The following CNTN3 variants were observed in gnomAD, a reference collection of about 807,000 sequenced individuals.
CNTN3 encodes contactin-3.
In CNTN3, 60 loss-of-function variants were observed where a neutral mutation model predicts 119.1. That is an observed-to-expected ratio of 0.50 (90% CI 0.41 to 0.62). The LOEUF (loss-of-function observed/expected upper bound fraction) is 0.62, where lower values mean the gene tolerates loss of function less well. CNTN3 is among the 20% of genes least tolerant of loss of function. CNTN3 has a pLI of 0.00. For missense variants in CNTN3, 1,101 were observed against 1,242.4 expected, an observed-to-expected ratio of 0.89 and a Z score of 1.71; for synonymous variants, 450 against 438.7, an observed-to-expected ratio of 1.03 and a Z score of -0.32.
At chr3:74,400,796 T>A (rs1488031131) in intron 5 of CNTN3, among the ~76,000 whole-genome samples, 2 of 152,166 alleles carry the variant, frequency 1.3e-5, no homozygotes, top group African/African-American at 4.8e-5. Flanking sequence ...TACAAAGGTA[T>A]TTATATAAAC....
At chr3:74,579,572 G>C (rs1314931983) in intron 1 of CNTN3, among the ~76,000 whole-genome samples, 2 of 152,066 alleles carry the variant, frequency 1.3e-5, no homozygotes, top group African/African-American at 4.8e-5. Flanking sequence ...TAAATAGTAT[G>C]TTATGTGACA....
At chr3:74,298,228 T>A (rs139165901) in intron 17 of CNTN3, 37 bp from the exon 18 acceptor site, 2 of 1,381,798 alleles carry the variant, frequency 1.4e-6, no homozygotes, top group South Asian at 1.5e-5. Context: ...CCCTTACACA[T>A]AAGGGCAAGG....
chr3:74,304,667 T>C (rs1422693756), intron 13 of CNTN3, among the ~76,000 whole-genome samples: 1 of 152,176 alleles, frequency 6.6e-6, no homozygotes, highest in Non-Finnish European at 1.5e-5. Context: ...TTGACTTCTG[T>C]TCACTCTTGG....
chr3:74,418,449 C>T (rs1159806333), intron 5 of CNTN3, among the ~76,000 whole-genome samples: 1 of 144,094 alleles, frequency 6.9e-6, no homozygotes, highest in Non-Finnish European at 1.5e-5. Context: ...TCAAGCAATT[C>T]TCCTGCCTCA....
intron 1 of CNTN3, among the ~76,000 whole-genome samples, chr3:74,526,792 A>G (rs1379602603): frequency 6.6e-6 from 1 of 151,892 alleles, no homozygotes; most frequent in Non-Finnish European, 1.5e-5. Context: ...GAACACCTAC[A>G]GCACTTTATA....
intron 11 of CNTN3, among the ~76,000 whole-genome samples, chr3:74,340,968 C>T (rs1200485368): frequency 1.3e-5 from 2 of 152,090 alleles, no homozygotes; most frequent in East Asian, 3.9e-4. Context: ...ACTACAAATC[C>T]TTTGGTGTAT....
rs1055908134 is a variant in CNTN3 at position 74,264,368 on chromosome 3, A to G, written c.*33T>C. 3 of 1,266,800 alleles carry G rather than the reference A, an allele frequency of 2.4e-6. No individual in the cohort carries two copies. Among genetic ancestry groups the G allele is most frequent in the Admixed American group, 5.1e-5 (2 of 39,506 alleles). 78.5% of individuals were successfully genotyped at this position (1,266,800 alleles called of 1,614,324 possible). A position where few individuals can be genotyped will look rare whatever the true frequency, so the allele number is the denominator to read the frequency against. On this transcript the variant is annotated 3_prime_UTR_variant, in exon 23 of 23. Coordinates refer to ENST00000263665, the MANE Select transcript of CNTN3 (RefSeq NM_020872.3). ...AAAGCACTTTTTTTGGTAACCAAAT[A>G]ACTTTCCAATAAATAATAAAAAGGA...
intron 20 of CNTN3, among the ~76,000 whole-genome samples, chr3:74,284,407 G>A (rs1036427620): frequency 3.3e-5 from 5 of 152,216 alleles, no homozygotes; most frequent in East Asian, 3.9e-4. Flanking sequence ...ATCACTGCGC[G>A]TAAGTTACCT....
chr3:74,295,106 C>T lies in CNTN3; in HGVS notation c.2517+15G>A, dbSNP rs202118908. The T allele has an allele frequency of 1.1e-5, 17 of 1,522,594 alleles. No individual in the cohort carries two copies. Among genetic ancestry groups the T allele is most frequent in the South Asian group, 6.8e-5 (6 of 88,622 alleles). The allele number at this position is 1,522,594 out of a possible 1,614,324, so 94.3% of individuals were successfully genotyped here. On this transcript the variant is annotated intron_variant, in intron 19 of 22. Transcript: ENST00000263665. ...CGGTAACACACATACACAATTTAAT[C>T]GGAAAAGAAATTACCTCATAGCCCA...
chr3:74,574,081 T>C (rs1208981705), intron 1 of CNTN3, among the ~76,000 whole-genome samples: 1 of 152,148 alleles, frequency 6.6e-6, no homozygotes, highest in Non-Finnish European at 1.5e-5. Flanking sequence ...AAACAAGATA[T>C]GTTATATGAA....
intron 4 of CNTN3, among the ~76,000 whole-genome samples, chr3:74,484,713 G>C (rs933268367): frequency 1.3e-5 from 2 of 152,036 alleles, no homozygotes; most frequent in Non-Finnish European, 2.9e-5. Flanking sequence ...GGGTGGTGGT[G>C]AACTCCCCAA....
At chr3:74,376,918 CA>C (rs201691301) in intron 5 of CNTN3, among the ~76,000 whole-genome samples, 3 of 104,964 alleles carry the variant, frequency 2.9e-5, no homozygotes, top group African/African-American at 1.1e-4. Flanking sequence ...AACAAACAAA[CA>C]AAAAAAACAG....
At chr3:74,286,200 A>G (rs1284034006) in intron 19 of CNTN3, among the ~76,000 whole-genome samples, 1 of 152,170 alleles carries the variant, frequency 6.6e-6, no homozygotes. Flanking sequence ...ACATGAAGGT[A>G]GCATCTACAG....
chr3:74,319,935 C>T (rs952269081), intron 13 of CNTN3, among the ~76,000 whole-genome samples: 8 of 152,262 alleles, frequency 5.3e-5, no homozygotes, highest in African/African-American at 1.7e-4. Context: ...CATCACTGGC[C>T]ATCGGAGAAA....
chr3:74,547,529 T>C (rs1302507229), intron 1 of CNTN3, among the ~76,000 whole-genome samples: 2 of 152,206 alleles, frequency 1.3e-5, no homozygotes, highest in African/African-American at 4.8e-5. Context: ...ACAAATGTTA[T>C]CACTTTTTTA....
intron 12 of CNTN3, among the ~76,000 whole-genome samples, 188 bp downstream of exon 12, chr3:74,336,343 G>A (rs2106712170): frequency 6.6e-6 from 1 of 152,120 alleles, no homozygotes; most frequent in African/African-American, 2.4e-5. Flanking sequence ...GTGCTCCCTG[G>A]TGCACACTGT....
chr3:74,275,369 G>A (rs1361804165), intron 20 of CNTN3, among the ~76,000 whole-genome samples: 1 of 152,074 alleles, frequency 6.6e-6, no homozygotes, highest in African/African-American at 2.4e-5. Context: ...AAGTTAAGGG[G>A]AAGGAAAGAA....
intron 1 of CNTN3, among the ~76,000 whole-genome samples, chr3:74,532,657 C>T (rs1703710446): frequency 6.6e-6 from 1 of 151,900 alleles, no homozygotes; most frequent in South Asian, 2.1e-4. Flanking sequence ...AATTCCTCAG[C>T]CAGGAAATAG....
intron 5 of CNTN3, among the ~76,000 whole-genome samples, chr3:74,374,149 G>A (rs562780411): frequency 6.7e-4 from 102 of 152,200 alleles, no homozygotes; most frequent in Non-Finnish European, 9.3e-4. Flanking sequence ...TACAGCTACA[G>A]CATCCTCAGA....
Sources: allele counts gnomAD v4.1 joint callset (sites outside exome capture counted in the v4.1 genomes callset), GRCh38; gene constraint gnomAD v4.1.1; transcripts MANE v1.5; gene names NCBI Gene and HGNC (gene_info 2026-07-23, HGNC 2026-07-21).